SMARCAL1: variants seen among roughly 807,000 people sequenced by gnomAD.
SMARCAL1 encodes the protein ATP-driven annealing helicase.
A neutral mutation model predicts 94.5 loss-of-function variants in SMARCAL1; 58 were observed. The observed-to-expected ratio is 0.61, with a 90% CI of 0.50 to 0.76. SMARCAL1 has a LOEUF of 0.76. SMARCAL1 is among the 30% of genes least tolerant of loss of function. The pLI is 0.00. For synonymous variants in SMARCAL1, 422 were observed against 455.1 expected (o/e 0.93, Z 0.93); for missense variants, 1,051 against 1,177.9 (o/e 0.89, Z 1.58).
Position 216,464,720 on chromosome 2 carries a change from A to AAC in SMARCAL1, c.2141+54_2141+55insCA. 7 of 1,241,752 alleles carry AAC rather than the reference A, an allele frequency of 5.6e-6. No homozygotes were observed. In the African/African-American group the frequency reaches 8.9e-5, roughly 16 times the overall value. 76.9% of individuals were successfully genotyped at this position (1,241,752 alleles called of 1,614,324 possible). Reference sequence around the variant, plus strand: ...CTCTCTCTCATCTTCAAAAAAAAAAAAAACAACTTATTACTTTATTCTGCC... The same window carrying AAC: ...CTCTCTCTCATCTTCAAAAAAAAAAAACAAACAACTTATTACTTTATTCTGCC... On this transcript the variant is annotated intron_variant, in intron 13 of 17. Transcript: ENST00000357276.
In SMARCAL1 at chr2:216,414,840, C is replaced by G. The variant is rs1693551904; in HGVS notation, c.136C>G (p.Pro46Ala). 6 of 1,614,202 alleles carry G rather than the reference C, an allele frequency of 3.7e-6. No homozygotes were observed. Among genetic ancestry groups the G allele is most frequent in the South Asian group, 2.2e-5 (2 of 91,082 alleles). Reference protein sequence around the residue: ...TSSGTSIAGNPFQAKQGPSQN... With the variant: ...TSSGTSIAGNAFQAKQGPSQN... ...CTCGGGCACCTCCATTGCTGGCAACCCATTCCAGGCCAAGCAAGGCCCATC... is the reference window on the plus strand; with the variant it reads ...CTCGGGCACCTCCATTGCTGGCAACGCATTCCAGGCCAAGCAAGGCCCATC... The change falls in exon 3 of 18, where the codon CCA (proline) becomes GCA (alanine). Residue 46 changes from proline to alanine, a missense_variant. Around this residue, in one of 3 missense-constraint regions of SMARCAL1, gnomAD observed 398 missense variants for 395.2 expected, o/e 1.01. Transcript: ENST00000357276.
intron 7 of SMARCAL1, among the ~76,000 whole-genome samples, chr2:216,429,609 T>C (rs1693917766): frequency 6.6e-6 from 1 of 152,152 alleles, no homozygotes; most frequent in South Asian, 2.1e-4. Flanking sequence ...TATTAGACAG[T>C]GTAGTTGAAC....
intron 13 of SMARCAL1, among the ~76,000 whole-genome samples, chr2:216,466,536 T>C (rs1414456269): frequency 6.6e-6 from 1 of 152,224 alleles, no homozygotes; most frequent in Non-Finnish European, 1.5e-5. Context: ...CTTTTTTTGC[T>C]GTTGTTTGTT....
At chr2:216,442,416 CAAAAA>C (rs375677725) in intron 10 of SMARCAL1, among the ~76,000 whole-genome samples, 45 of 88,756 alleles carry the variant, frequency 5.1e-4, no homozygotes, top group Non-Finnish European at 4.4e-4. Context: ...GACTCTGTCT[CAAAAA>C]AAAAAAAAAA....
Position 216,438,480 on chromosome 2 carries a change from C to G in SMARCAL1, c.1705C>G (p.Leu569Val). ...TARCRAAMPV[L>V]KVAKRVILLS... ...CCGCTGTCGAGCAGCTATGCCGGTC[C>G]TAAAGGTGAGTACTTCTGAGAACTG... Residue 569 changes from leucine to valine, a missense_variant, in exon 10 of 18, where the codon CTA becomes GTA. By Grantham distance (32) the Leu-to-Val change is conservative (BLOSUM62 1). Transcript: ENST00000357276. 4 of 1,613,758 alleles carry G rather than the reference C, an allele frequency of 2.5e-6. No individual in the cohort carries two copies. Among genetic ancestry groups the G allele is most frequent in the Non-Finnish European group, 3.4e-6 (4 of 1,179,784 alleles).
At chr2:216,426,420 T>G (rs1388101666) in intron 6 of SMARCAL1, among the ~76,000 whole-genome samples, 1 of 152,216 alleles carries the variant, frequency 6.6e-6, no homozygotes, top group Non-Finnish European at 1.5e-5. Flanking sequence ...GAATGGATTC[T>G]TCACCCAGAA....
intron 12 of SMARCAL1, 44 bp downstream of exon 12, chr2:216,451,108 G>C (rs201313545): frequency 2.0e-6 from 3 of 1,518,236 alleles, no homozygotes; most frequent in Admixed American, 3.4e-5. Flanking sequence ...GACATGTCTA[G>C]GTGTTCCTTT....
intron 12 of SMARCAL1, among the ~76,000 whole-genome samples, chr2:216,461,453 A>G (rs1694700597): frequency 6.6e-6 from 1 of 152,110 alleles, no homozygotes; most frequent in South Asian, 2.1e-4. Flanking sequence ...CAGAACTGGG[A>G]TCATACAAAC....
intron 14 of SMARCAL1, among the ~76,000 whole-genome samples, chr2:216,470,723 C>G (rs766572922): frequency 6.6e-6 from 1 of 150,418 alleles, no homozygotes; most frequent in Non-Finnish European, 1.5e-5. Context: ...TGGGCTCAAG[C>G]AATTCTTTTG....
intron 12 of SMARCAL1, among the ~76,000 whole-genome samples, chr2:216,463,444 T>C (rs1694751921): frequency 2.0e-5 from 3 of 152,204 alleles, no homozygotes; most frequent in Admixed American, 2.0e-4. Flanking sequence ...TCTGTCCTTA[T>C]GATCTAAGCA....
chr2:216,432,938 T>G lies in SMARCAL1; in HGVS notation c.1485+70T>G. The G allele has an allele frequency of 3.2e-6, 5 of 1,585,910 alleles. No individual in the cohort carries two copies. The South Asian group carries it at 5.5e-5, about 18-fold the overall frequency. The stretch of plus-strand genomic sequence containing the variant: ...CAGTGTTAGAGTCATAAAATAATGG[T>G]TTGCAGACAGGGCCTAGGGATCTTT... On this transcript the variant is annotated intron_variant, in intron 8 of 17. Coordinates refer to ENST00000357276, the MANE Select transcript of SMARCAL1 (RefSeq NM_014140.4).
intron 12 of SMARCAL1, among the ~76,000 whole-genome samples, chr2:216,461,612 G>A (rs936873915): frequency 1.3e-4 from 20 of 152,104 alleles, no homozygotes; most frequent in African/African-American, 4.3e-4. Flanking sequence ...AGGATCACTT[G>A]AGCCCAGGAG....
At chr2:216,430,124 G>T (rs979044225) in intron 7 of SMARCAL1, among the ~76,000 whole-genome samples, 2 of 152,122 alleles carry the variant, frequency 1.3e-5, no homozygotes, top group Non-Finnish European at 2.9e-5. Context: ...CCTGAGAGAG[G>T]CTCTGTGTGT....
chr2:216,456,301 C>T (rs1425735801), intron 12 of SMARCAL1, among the ~76,000 whole-genome samples: 4 of 152,170 alleles, frequency 2.6e-5, no homozygotes, highest in African/African-American at 9.7e-5. Flanking sequence ...ACTTCCCCAA[C>T]CTAGCAAGGC....
At chr2:216,453,014 C>T (rs1487814018) in intron 12 of SMARCAL1, among the ~76,000 whole-genome samples, 1 of 152,212 alleles carries the variant, frequency 6.6e-6, no homozygotes, top group Non-Finnish European at 1.5e-5. Flanking sequence ...AACGGAGCCA[C>T]AACTCCCTTT....
Position 216,414,596 on chromosome 2 carries a change from G to A in SMARCAL1, c.-58-51G>A, listed in dbSNP as rs1053573908. 3 of 936,710 alleles carry A rather than the reference G, an allele frequency of 3.2e-6. No individual in the cohort carries two copies. The African/African-American group carries it at 4.8e-5, about 15-fold the overall frequency. 58.0% of individuals were successfully genotyped at this position (936,710 alleles called of 1,614,324 possible). On this transcript the variant is annotated intron_variant, in intron 2 of 17. Transcript: ENST00000357276. ...CTTGTTAAAATCATGGTTGGAGTAT[G>A]ACAATTAATACATGTAATGTTCATT...
chr2:216,462,835 A>T (rs530302081), intron 12 of SMARCAL1, among the ~76,000 whole-genome samples: 36 of 152,094 alleles, frequency 2.4e-4, no homozygotes, highest in Admixed American at 5.9e-4. Context: ...AAAATAAAAA[A>T]AAAAAAAAAG....
chr2:216,468,453 A>G (rs1694882132), intron 14 of SMARCAL1, among the ~76,000 whole-genome samples: 1 of 152,208 alleles, frequency 6.6e-6, no homozygotes, highest in Non-Finnish European at 1.5e-5. Flanking sequence ...TATTAATTCC[A>G]CATGGCAGTG....
chr2:216,436,691 C>T (rs1407331088), intron 9 of SMARCAL1, among the ~76,000 whole-genome samples: 1 of 152,094 alleles, frequency 6.6e-6, no homozygotes, highest in Non-Finnish European at 1.5e-5. Flanking sequence ...AAGAAGTTTC[C>T]CAGGATGATG....
Sources: allele counts gnomAD v4.1 joint callset (sites outside exome capture counted in the v4.1 genomes callset), GRCh38; gene constraint gnomAD v4.1.1; regional missense constraint gnomAD v4.1.1; transcripts MANE v1.5; gene names NCBI Gene and HGNC (gene_info 2026-07-23, HGNC 2026-07-21).